Variants in SYNPO2 observed in about 807,000 individuals in gnomAD.
The protein encoded by SYNPO2 is synaptopodin 2, also known as synaptopodin-2.
A neutral mutation model predicts 85.0 loss-of-function variants in SYNPO2; 56 were observed. The observed-to-expected ratio is 0.66, with a 90% confidence interval of 0.53 to 0.82. The LOEUF (loss-of-function observed/expected upper bound fraction) is 0.82, where lower values mean the gene tolerates loss of function less well. SYNPO2 is among the 40% of genes least tolerant of loss of function. SYNPO2 has a pLI of 0.00. For synonymous variants in SYNPO2, 602 were observed against 591.1 expected (o/e 1.02, Z -0.27); for missense variants, 1,575 against 1,534.2 (o/e 1.03, Z -0.44).
chr4:118,852,414 G>T (rs116047800), intron 1 of SYNPO2, among the ~76,000 whole-genome samples: 6,239 of 152,134 alleles, frequency 0.041, 196 homozygotes, highest in Non-Finnish European at 0.064. Flanking sequence ...AAAGAAACAC[G>T]CACACGTATG....
chr4:119,036,979 T>A, intron 4 of SYNPO2: 1 of 1,299,458 alleles, frequency 7.7e-7, no homozygotes, highest in South Asian at 2.6e-5. Flanking sequence ...GTTTAAGTAA[T>A]TTTTTTGTTA....
At chr4:118,885,056 A>T (rs1732174111), upstream of SYNPO2, among the ~76,000 whole-genome samples, 1 of 152,218 alleles carries the variant, frequency 6.6e-6, no homozygotes, top group African/African-American at 2.4e-5. Context: ...TTATGTGTGG[A>T]CAAGGACTGA....
chr4:118,952,445 T>C (rs770277213), intron 1 of SYNPO2, among the ~76,000 whole-genome samples: 65 of 152,274 alleles, frequency 4.3e-4, no homozygotes, highest in Non-Finnish European at 8.5e-4. Context: ...GTTTGTTACA[T>C]ATGTATATAT....
At chr4:118,989,714 G>A (rs1178992326) in intron 1 of SYNPO2, among the ~76,000 whole-genome samples, 1 of 152,158 alleles carries the variant, frequency 6.6e-6, no homozygotes, top group Non-Finnish European at 1.5e-5. Flanking sequence ...TAAGCCAAAT[G>A]CACACAGTAA....
intron 1 of SYNPO2, among the ~76,000 whole-genome samples, chr4:118,852,692 G>T (rs764114967): frequency 3.3e-5 from 5 of 152,132 alleles, no homozygotes; most frequent in Non-Finnish European, 7.3e-5. Context: ...ACATAGAGGG[G>T]AACAACACAC....
At position 118,900,687 on chromosome 4, in the gene SYNPO2, CTCTCTCTCTCTCTCTCTATA is replaced by C. The variant is rs796434464; in HGVS notation, c.105+11548_105+11567del. On this transcript the variant is annotated intron_variant, in intron 1 of 4. Transcript: ENST00000307142. ...TTTCTCTCTCTCTCTCTCTCTCTCTCTCTCTCTCTCTCTCTCTATATATATATATATATATATATATATAT... is the reference window on the plus strand; with the variant it reads ...TTTCTCTCTCTCTCTCTCTCTCTCTCTATATATATATATATATATATATAT... 8.8e-3 allele frequency among the ~76,000 whole-genome samples: 406 copies of C among 46,020 alleles called. 1 individual carries two copies. The highest frequency in any genetic ancestry group is 0.012 in the South Asian group (13 of 1,060). The allele number at this position is 46,020 out of a possible 152,430, so 30.2% of individuals were successfully genotyped here.
chr4:119,055,819 A>C (rs956837557), intron 4 of SYNPO2, among the ~76,000 whole-genome samples: 14 of 152,140 alleles, frequency 9.2e-5, no homozygotes, highest in African/African-American at 1.7e-4. Context: ...AAAATGAGAG[A>C]ATCAAGATTT....
At chr4:118,863,785 C>T (rs1393871490) in intron 1 of SYNPO2, among the ~76,000 whole-genome samples, 3 of 151,906 alleles carry the variant, frequency 2.0e-5, no homozygotes, top group Admixed American at 6.6e-5. Flanking sequence ...TTAATTTTTG[C>T]GTTTTTAATA....
Position 119,057,445 on chromosome 4 carries a change from C to T in SYNPO2, c.3297C>T (p.Pro1099=). 1 of 1,613,202 alleles carries T rather than the reference C, an allele frequency of 6.2e-7. No individual in the cohort carries two copies. Among genetic ancestry groups the T allele is most frequent in the Non-Finnish European group, 8.5e-7 (1 of 1,179,702 alleles). ...SLSLPGRSVP[P]PISTSPWVYQ... ...CTCTTCCTGGAAGATCAGTCCCACC[C>T]CCCATTTCTACATCTCCTTGGGTAT... Residue 1099 remains proline, a synonymous_variant, in exon 5 of 5, where the codon CCC becomes CCT. Coordinates refer to ENST00000307142, the MANE Select transcript of SYNPO2 (RefSeq NM_133477.3).
intron 1 of SYNPO2, among the ~76,000 whole-genome samples, chr4:119,008,326 C>A (rs1204632160): frequency 6.6e-6 from 1 of 152,156 alleles, no homozygotes; most frequent in Non-Finnish European, 1.5e-5. Flanking sequence ...GCCTAGAACA[C>A]TGCCTGCTGC....
intron 4 of SYNPO2, chr4:119,037,538 A>G: frequency 1.0e-6 from 1 of 994,272 alleles, no homozygotes; most frequent in Non-Finnish European, 1.2e-6. Flanking sequence ...AATCAAGGCC[A>G]TGCAACAACC....
intron 1 of SYNPO2, among the ~76,000 whole-genome samples, 175 bp downstream of exon 1, chr4:118,889,316 G>A (rs548050870): frequency 4.7e-4 from 72 of 152,226 alleles, no homozygotes; most frequent in Admixed American, 1.0e-3. Context: ...GAGAGTAATG[G>A]GCCACATCCT....
intron 4 of SYNPO2, among the ~76,000 whole-genome samples, chr4:119,052,832 A>T (rs1001957761): frequency 6.6e-5 from 10 of 152,252 alleles, no homozygotes; most frequent in Non-Finnish European, 1.2e-4. Context: ...ATGTCCCAGG[A>T]TCTGCTAAGT....
At chr4:118,953,968 C>T (rs904925257) in intron 1 of SYNPO2, among the ~76,000 whole-genome samples, 1 of 152,296 alleles carries the variant, frequency 6.6e-6, no homozygotes, top group African/African-American at 2.4e-5. Context: ...TCCTCTACCC[C>T]AGAAGGCCAT....
chr4:118,874,085 T>G (rs755492197), intron 1 of SYNPO2, among the ~76,000 whole-genome samples: 2 of 152,226 alleles, frequency 1.3e-5, no homozygotes, highest in Non-Finnish European at 2.9e-5. Context: ...GTGTCTGCTT[T>G]TATACCAGTA....
chr4:118,909,198 T>C (rs1016920416), intron 1 of SYNPO2, among the ~76,000 whole-genome samples: 7 of 152,206 alleles, frequency 4.6e-5, no homozygotes, highest in African/African-American at 1.7e-4. Flanking sequence ...GAGGGATGCC[T>C]AGTATAGAGG....
At chr4:118,881,698 G>C (rs1303091238) in intron 1 of SYNPO2, among the ~76,000 whole-genome samples, 3 of 152,124 alleles carry the variant, frequency 2.0e-5, no homozygotes, top group Non-Finnish European at 4.4e-5. Flanking sequence ...AGCCACGTTC[G>C]GCCTCCAAGT....
intron 1 of SYNPO2, among the ~76,000 whole-genome samples, chr4:118,899,784 G>A (rs891002034): frequency 2.6e-5 from 4 of 151,978 alleles, no homozygotes; most frequent in South Asian, 2.1e-4. Context: ...TTTTTGAGAC[G>A]CAGCCTCGCT....
chr4:118,939,646 A>G (rs541399999), intron 1 of SYNPO2, among the ~76,000 whole-genome samples: 15 of 152,354 alleles, frequency 9.8e-5, no homozygotes, highest in African/African-American at 3.6e-4. Flanking sequence ...GCCAGTCCAC[A>G]TAGTGCTCAT....
Sources: gnomAD v4.1 joint callset for allele counts (sites outside exome capture counted in the v4.1 genomes callset) on GRCh38, gnomAD v4.1.1 for gene constraint, MANE v1.5 for transcripts, NCBI Gene and HGNC (gene_info 2026-07-23, HGNC 2026-07-21) for gene names.